CHD1L: variants seen among roughly 807,000 people sequenced by gnomAD.
The protein encoded by CHD1L is ATP-dependent chromatin remodeler CHD1L.
In CHD1L, 118 loss-of-function variants were observed where a neutral mutation model predicts 115.9. That is an observed-to-expected ratio of 1.02 (90% CI 0.88 to 1.19). The LOEUF is 1.19. Ranked by LOEUF, CHD1L falls within the 50% of genes most tolerant of loss-of-function variation. The probability of loss-of-function intolerance (pLI) is 0.00; values close to 1 mark genes in which losing one functional copy is unlikely to be tolerated. For missense variants in CHD1L, 1,179 were observed against 1,065.3 expected, an observed-to-expected ratio of 1.11 and a Z score of -1.49; for synonymous variants, 411 against 387.1, an observed-to-expected ratio of 1.06 and a Z score of -0.72.
At chr1:147,207,473 C>T in the CHD1L span, among the ~76,000 whole-genome samples, 45 of 152,138 alleles carry the variant, frequency 3.0e-4, no homozygotes, top group Non-Finnish European at 2.9e-5. Context: ...AGGACCCCAT[C>T]CTTTGTACTT....
the CHD1L span, among the ~76,000 whole-genome samples, chr1:147,233,138 C>T: frequency 6.6e-6 from 1 of 152,086 alleles, no homozygotes; most frequent in South Asian, 2.1e-4. Flanking sequence ...AGGAGCGCCT[C>T]TGCCCGGCTG....
chr1:147,277,723 G>A (rs1274712259), intron 14 of CHD1L, among the ~76,000 whole-genome samples: 1 of 152,146 alleles, frequency 6.6e-6, no homozygotes, highest in Non-Finnish European at 1.5e-5. Flanking sequence ...TGAGAGAGAG[G>A]TAGAGGTACG....
intron 1 of CHD1L, among the ~76,000 whole-genome samples, chr1:147,250,543 G>A (rs1559734518): frequency 6.6e-6 from 1 of 152,076 alleles, no homozygotes; most frequent in Admixed American, 6.5e-5. Flanking sequence ...GATCCTGCAG[G>A]GGAAAGCTAA....
the CHD1L span, among the ~76,000 whole-genome samples, chr1:147,237,236 CTTCTT>C: frequency 1.3e-5 from 2 of 152,166 alleles, no homozygotes; most frequent in Non-Finnish European, 2.9e-5. Context: ...GGAGGAGACA[CTTCTT>C]AGCCTGCAGG....
At chr1:147,267,616 G>T in intron 9 of CHD1L, 98 bp downstream of exon 9, 1 of 870,514 alleles carries the variant, frequency 1.1e-6, no homozygotes, top group Non-Finnish European at 1.8e-6. Flanking sequence ...TACTTACTTT[G>T]TCTACTTTGT....
chr1:147,264,142 C>T (rs1387693835), intron 6 of CHD1L, among the ~76,000 whole-genome samples: 1 of 152,214 alleles, frequency 6.6e-6, no homozygotes, highest in Non-Finnish European at 1.5e-5. Context: ...ATTAAATTCT[C>T]ATGCAATACT....
the CHD1L span, among the ~76,000 whole-genome samples, chr1:147,190,459 A>C: frequency 6.6e-6 from 1 of 152,058 alleles, no homozygotes; most frequent in African/African-American, 2.4e-5. Flanking sequence ...TTGTCTTTGG[A>C]AGGGATTTCC....
chr1:147,272,158 C>T lies in CHD1L; in HGVS notation c.1160-13C>T, dbSNP rs782616920. 5.6e-5 allele frequency: 90 copies of T among 1,593,826 alleles called. No individual in the cohort carries two copies. The highest frequency in any genetic ancestry group is 7.4e-5 in the Non-Finnish European group (87 of 1,168,816). On this transcript the variant is annotated splice_polypyrimidine_tract_variant and intron_variant, in intron 11 of 22. Transcript: ENST00000369258. ...AAGGGTTAAGATTTCTGTTTTTCTTCCTCTCTGTAAAGGCTACAGCTATGA... is the reference window on the plus strand; with the variant it reads ...AAGGGTTAAGATTTCTGTTTTTCTTTCTCTCTGTAAAGGCTACAGCTATGA...
rs1553931956 is a variant in CHD1L at position 147,242,839 on chromosome 1, G to A, written c.127+9G>A. The A allele has an allele frequency of 6.3e-6, 8 of 1,274,064 alleles. No individual in the cohort carries two copies. The highest frequency in any genetic ancestry group is 3.0e-5 in the African/African-American group (2 of 65,702). 78.9% of individuals were successfully genotyped at this position (1,274,064 alleles called of 1,614,324 possible). A position where few individuals can be genotyped will look rare whatever the true frequency, so the allele number is the denominator to read the frequency against. ...GCAGTGGGGGCTGACAGGTGAGCGG[G>A]CTCCGGGCGGACTTCGGCCAGGCGG... On this transcript the variant is annotated intron_variant, in intron 1 of 22. Transcript: ENST00000369258.
intron 1 of CHD1L, among the ~76,000 whole-genome samples, chr1:147,243,700 A>G (rs1665667730): frequency 6.6e-6 from 1 of 152,170 alleles, no homozygotes; most frequent in Non-Finnish European, 1.5e-5. Flanking sequence ...ATCAGTAATA[A>G]TACAGTCGTT....
At chr1:147,240,943 C>T (rs1038740868), upstream of CHD1L, among the ~76,000 whole-genome samples, 2 of 152,070 alleles carry the variant, frequency 1.3e-5, no homozygotes, top group African/African-American at 2.4e-5. Context: ...GTATGCTGAG[C>T]GCCGGTTCCC....
chr1:147,177,585 G>T, the CHD1L span, among the ~76,000 whole-genome samples: 1 of 152,154 alleles, frequency 6.6e-6, no homozygotes, highest in African/African-American at 2.4e-5. Context: ...GTCATTAGTG[G>T]CATGTAACCT....
chr1:147,249,809 A>G (rs369670112), intron 1 of CHD1L, among the ~76,000 whole-genome samples: 8 of 152,208 alleles, frequency 5.3e-5, no homozygotes, highest in Non-Finnish European at 7.4e-5. Flanking sequence ...TTTCAGCCCT[A>G]TCCTCCTTCA....
At chr1:147,247,112 G>A (rs1406651110) in intron 1 of CHD1L, among the ~76,000 whole-genome samples, 1 of 152,180 alleles carries the variant, frequency 6.6e-6, no homozygotes, top group African/African-American at 2.4e-5. Context: ...TAGTTTCCAA[G>A]TGTTGAGAGA....
chr1:147,294,221 C>T (rs950815780), intron 21 of CHD1L, among the ~76,000 whole-genome samples, 188 bp from the exon 22 acceptor site: 1 of 152,060 alleles, frequency 6.6e-6, no homozygotes, highest in Non-Finnish European at 1.5e-5. Context: ...ATTTCCAGAA[C>T]TTGTAGGTCC....
chr1:147,286,881 AC>A (rs1260753927), intron 18 of CHD1L, among the ~76,000 whole-genome samples: 1 of 151,846 alleles, frequency 6.6e-6, no homozygotes, highest in African/African-American at 2.4e-5. Flanking sequence ...TCTGCCTAAA[AC>A]CCTTTCTTCC....
At chr1:147,259,788 A>G in intron 5 of CHD1L, 49 bp from the exon 6 acceptor site, 1 of 1,470,616 alleles carries the variant, frequency 6.8e-7, no homozygotes, top group African/African-American at 1.4e-5. Flanking sequence ...TGATTGTGAA[A>G]TATGTGTTTA....
the CHD1L span, among the ~76,000 whole-genome samples, chr1:147,192,262 T>C: frequency 1.3e-5 from 2 of 152,116 alleles, no homozygotes; most frequent in African/African-American, 4.8e-5. Context: ...TATTTTATTC[T>C]CTTTGAAGCA....
At chr1:147,172,802 A>G in the CHD1L span, 53 of 152,222 alleles carry the variant, frequency 3.5e-4, no homozygotes, top group African/African-American at 1.2e-3. Flanking sequence ...TCCCCAAATG[A>G]CACTCGGAGG....
Sources: gnomAD v4.1 joint callset for allele counts (sites outside exome capture counted in the v4.1 genomes callset) on GRCh38, gnomAD v4.1.1 for gene constraint, MANE v1.5 for transcripts, NCBI Gene and HGNC (gene_info 2026-07-23, HGNC 2026-07-21) for gene names.